Variants in TNS1 observed in about 807,000 individuals in gnomAD.
The protein encoded by TNS1 is tensin 1.
Under a neutral mutation model 168.6 loss-of-function variants are expected in TNS1, and 62 were observed. The observed-to-expected ratio is 0.37, with a 90% confidence interval of 0.30 to 0.45. The LOEUF (loss-of-function observed/expected upper bound fraction) is 0.45, where lower values mean the gene tolerates loss of function less well. Ranked by LOEUF, TNS1 falls within the 20% of genes least tolerant of loss-of-function variation. The pLI, the probability that TNS1 is intolerant of heterozygous loss-of-function variation, is 1.00. For synonymous variants in TNS1, 934 were observed against 933.2 expected, an observed-to-expected ratio of 1.00 and a Z score of -0.02; for missense variants, 2,240 against 2,339.4, an observed-to-expected ratio of 0.96 and a Z score of 0.88.
Position 217,886,525 on chromosome 2 carries a change from G to A in TNS1, c.979+9C>T. The A allele has an allele frequency of 6.3e-7, 1 of 1,580,216 alleles. No individual in the cohort carries two copies. Among genetic ancestry groups the A allele is most frequent in the Non-Finnish European group, 8.6e-7 (1 of 1,160,972 alleles). ...CAAGGGTGGAGGTCAGAGGGCTCAA[G>A]GCAGGTACCTCCTTTAGACTCAAAG... On this transcript the variant is annotated intron_variant, in intron 13 of 32. Coordinates refer to ENST00000682258, the MANE Select transcript of TNS1 (RefSeq NM_001387777.1).
chr2:217,906,907 A>G (rs1346909626), intron 5 of TNS1, among the ~76,000 whole-genome samples: 10 of 152,176 alleles, frequency 6.6e-5, no homozygotes, highest in Non-Finnish European at 1.0e-4. Context: ...TGCATTCTGC[A>G]TATTTCATAA....
At chr2:217,907,836 C>CA (rs750177065) in intron 4 of TNS1, among the ~76,000 whole-genome samples, 2 of 152,346 alleles carry the variant, frequency 1.3e-5, no homozygotes, top group East Asian at 3.9e-4. Context: ...TCTGCTCCAT[C>CA]AGCCCCAGCC....
intron 1 of TNS1, among the ~76,000 whole-genome samples, chr2:218,027,858 G>A (rs1405077245): frequency 6.6e-6 from 1 of 152,198 alleles, no homozygotes; most frequent in African/African-American, 2.4e-5. Context: ...CCACCCAGAG[G>A]CTCCAGGCCA....
chr2:217,835,287 G>C (rs1945014285), intron 20 of TNS1, 121 bp from the exon 21 acceptor site: 2 of 898,134 alleles, frequency 2.2e-6, no homozygotes, highest in African/African-American at 3.5e-5. Context: ...CGTCAGCCTG[G>C]CTCCTCACTG....
At chr2:217,830,217 G>A in intron 22 of TNS1, 2 of 1,054,924 alleles carry the variant, frequency 1.9e-6, no homozygotes, top group Non-Finnish European at 2.7e-6. Flanking sequence ...TGTCAAGCAG[G>A]AGTGTGCTGG....
At chr2:217,905,647 G>A (rs910330051) in intron 6 of TNS1, among the ~76,000 whole-genome samples, 11 of 152,222 alleles carry the variant, frequency 7.2e-5, no homozygotes, top group South Asian at 6.2e-4. Context: ...CAGGGAGTAC[G>A]GTCAGAGAGG....
rs181335796 is a variant in TNS1 at position 217,996,436 on chromosome 2, G to C, written c.34-5380C>G. Among the ~76,000 whole-genome samples, 708 of 152,134 alleles carry C rather than the reference G, an allele frequency of 4.7e-3. 4 individuals are homozygous for C. The highest frequency in any genetic ancestry group is 0.016 in the African/African-American group (672 of 41,486). ...CAGTGGGGCTGCCGGCTGGCTTCTG[G>C]GAGTCCCATGGGCACCTCAAATCCC... On this transcript the variant is annotated intron_variant, in intron 1 of 32. Transcript: ENST00000682258.
intron 18 of TNS1, chr2:217,859,537 A>T: frequency 9.4e-7 from 1 of 1,061,448 alleles, no homozygotes; most frequent in Non-Finnish European, 1.4e-6. Context: ...AGGAGCCCCA[A>T]CATGAAGTTC....
At chr2:217,920,563 A>ATTTTTT (rs35026780) in intron 3 of TNS1, among the ~76,000 whole-genome samples, 1 of 135,922 alleles carries the variant, frequency 7.4e-6, no homozygotes, top group African/African-American at 2.7e-5. Flanking sequence ...AAGAAGAAGG[A>ATTTTTT]TTTTTTTTTT....
At chr2:218,001,982 G>T (rs2105980411) in intron 1 of TNS1, among the ~76,000 whole-genome samples, 1 of 152,244 alleles carries the variant, frequency 6.6e-6, no homozygotes, top group Admixed American at 6.5e-5. Flanking sequence ...CTGACCCCAT[G>T]CATGCCTTTG....
intron 3 of TNS1, among the ~76,000 whole-genome samples, chr2:217,967,835 A>T (rs1189531485): frequency 6.6e-6 from 1 of 152,212 alleles, no homozygotes; most frequent in Non-Finnish European, 1.5e-5. Context: ...AAAACCAAAG[A>T]TATCAAAGGA....
At chr2:217,827,529 G>A (rs548732355) in intron 22 of TNS1, among the ~76,000 whole-genome samples, 7 of 152,246 alleles carry the variant, frequency 4.6e-5, no homozygotes, top group African/African-American at 1.4e-4. Flanking sequence ...CCCAGGCCAC[G>A]GGCAGCAATT....
chr2:217,968,690 T>C (rs1957705735), intron 3 of TNS1, among the ~76,000 whole-genome samples: 1 of 152,170 alleles, frequency 6.6e-6, no homozygotes, highest in Admixed American at 6.5e-5. Context: ...AAATTGTTTT[T>C]TGGTGTTTTT....
intron 3 of TNS1, among the ~76,000 whole-genome samples, chr2:217,944,844 T>C (rs541690689): frequency 6.6e-6 from 1 of 152,300 alleles, no homozygotes; most frequent in South Asian, 2.1e-4. Context: ...AAGTTTTCCA[T>C]GATAAAAATA....
intron 3 of TNS1, among the ~76,000 whole-genome samples, chr2:217,937,382 C>G (rs541674430): frequency 5.5e-4 from 83 of 152,280 alleles, no homozygotes; most frequent in African/African-American, 2.0e-3. Flanking sequence ...ACCCAAGGAG[C>G]CAACCCCTGG....
At chr2:217,867,256 T>C (rs746030694) in intron 18 of TNS1, among the ~76,000 whole-genome samples, 4 of 152,208 alleles carry the variant, frequency 2.6e-5, no homozygotes, top group Non-Finnish European at 5.9e-5. Flanking sequence ...ACAGTCCTTA[T>C]GAAGGCCAAT....
rs1161180167 is a variant in TNS1 at position 217,921,046 on chromosome 2, G to A, written c.187-810C>T. Among the ~76,000 whole-genome samples, 4 of 151,996 alleles carry A rather than the reference G, an allele frequency of 2.6e-5. No individual in the cohort carries two copies. In the East Asian group the frequency reaches 7.8e-4, roughly 30 times the overall value. ...GAGCGAGAGGGAGGAGGAGAGTAGA[G>A]GGGAGGGAGGGAAGGCTCCATCGCT... On this transcript the variant is annotated intron_variant, in intron 3 of 32. Transcript: ENST00000682258.
chr2:217,885,996 C>T (rs780578861), intron 14 of TNS1, 48 bp downstream of exon 14: 2 of 1,606,518 alleles, frequency 1.2e-6, no homozygotes, highest in Non-Finnish European at 1.7e-6. Flanking sequence ...TGGTCCTTAG[C>T]CCTGGGCCTT....
rs1958692454 is a variant in TNS1, at chr2:218,010,099, C to T, written c.96+1G>A. ...GGCCAGGTGTGGCCGAGAGCATTTACCTGGCTGCGGAGGCAGAAGCGCAGG... is the reference window on the plus strand; with the variant it reads ...GGCCAGGTGTGGCCGAGAGCATTTATCTGGCTGCGGAGGCAGAAGCGCAGG... On this transcript the variant is annotated splice_donor_variant, in intron 1 of 32. Transcript: ENST00000646520. LOFTEE classifies it high-confidence loss of function. The T allele has an allele frequency of 2.5e-6, 1 of 398,992 alleles. No individual in the cohort carries two copies. Among genetic ancestry groups the T allele is most frequent in the Non-Finnish European group, 4.4e-6 (1 of 226,270 alleles). The allele number at this position is 398,992 out of a possible 1,614,324, so 24.7% of individuals were successfully genotyped here.
Sources: allele counts gnomAD v4.1 joint callset (sites outside exome capture counted in the v4.1 genomes callset), GRCh38; gene constraint gnomAD v4.1.1; transcripts MANE v1.5; gene names NCBI Gene and HGNC (gene_info 2026-07-23, HGNC 2026-07-21).